CBFA2T3: variants seen among roughly 807,000 people sequenced by gnomAD.
The protein encoded by CBFA2T3 is transcriptional corepressor CBFA2T3.
Under a neutral mutation model 58.6 loss-of-function variants are expected in CBFA2T3, and 31 were observed. The observed-to-expected ratio is 0.53, with a 90% CI of 0.40 to 0.71. The LOEUF (loss-of-function observed/expected upper bound fraction) is 0.71. CBFA2T3 is among the 30% of genes least tolerant of loss of function. The probability of loss-of-function intolerance (pLI) is 0.00; values close to 1 mark genes in which losing one functional copy is unlikely to be tolerated. For missense variants in CBFA2T3, 1,076 were observed against 963.1 expected, an observed-to-expected ratio of 1.12 and a Z score of -1.55; for synonymous variants, 531 against 421.9, an observed-to-expected ratio of 1.26 and a Z score of -3.17.
chr16:88,890,876 G>A (rs1969603241), intron 5 of CBFA2T3, among the ~76,000 whole-genome samples: 2 of 152,158 alleles, frequency 1.3e-5, no homozygotes. Flanking sequence ...ACAACGCTCA[G>A]CTAATTTTTA....
At chr16:88,912,458 G>A (rs775060936) in intron 1 of CBFA2T3, among the ~76,000 whole-genome samples, 2 of 152,158 alleles carry the variant, frequency 1.3e-5, no homozygotes, top group Non-Finnish European at 2.9e-5. Context: ...TACTTCCCTC[G>A]ATCTCTGCAT....
intron 1 of CBFA2T3, among the ~76,000 whole-genome samples, chr16:88,930,401 T>C (rs1443553948): frequency 6.6e-6 from 1 of 152,088 alleles, no homozygotes; most frequent in Non-Finnish European, 1.5e-5. Context: ...AAGCTACCCA[T>C]GCCCACAGCT....
Position 88,885,770 on chromosome 16 carries a change from C to T in CBFA2T3, c.893+191G>A. On this transcript the variant is annotated intron_variant, in intron 6 of 11. Coordinates refer to ENST00000268679, the MANE Select transcript of CBFA2T3 (RefSeq NM_005187.6). The surrounding 1 kb of genome is among the most constrained non-coding windows in gnomAD (Gnocchi z 5.3). ...CCCCGGAGCATCTGAGTCTGCAGCCCACTGGGGTGTCCGCCCGTGCAGCCA... is the reference window on the plus strand; with the variant it reads ...CCCCGGAGCATCTGAGTCTGCAGCCTACTGGGGTGTCCGCCCGTGCAGCCA... 2 of 592,064 alleles carry T rather than the reference C, an allele frequency of 3.4e-6. No homozygotes were observed. Among genetic ancestry groups the T allele is most frequent in the East Asian group, 5.8e-5 (2 of 34,712 alleles). The allele number at this position is 592,064 out of a possible 1,614,324, so 36.7% of individuals were successfully genotyped here.
chr16:88,955,481 C>T (rs76713240), intron 1 of CBFA2T3, among the ~76,000 whole-genome samples: 13 of 23,618 alleles, frequency 5.5e-4, no homozygotes, highest in African/African-American at 1.6e-3. Context: ...CTCCTGACCC[C>T]ACCCAAGGCT....
At chr16:88,891,582 GA>G (rs1361744989) in intron 5 of CBFA2T3, among the ~76,000 whole-genome samples, 2 of 152,218 alleles carry the variant, frequency 1.3e-5, no homozygotes, top group African/African-American at 4.8e-5. Flanking sequence ...ACGGCAACCA[GA>G]GGCGAACCGG....
chr16:88,932,045 CCAT>C (rs1234772455), intron 1 of CBFA2T3, among the ~76,000 whole-genome samples: 4 of 152,170 alleles, frequency 2.6e-5, no homozygotes, highest in African/African-American at 9.7e-5. Flanking sequence ...CGTGTGCACA[CCAT>C]CACACACTCA....
In CBFA2T3 at chr16:88,885,561, C is replaced by T. The variant is rs534811509; in HGVS notation, c.894-292G>A. ...TGCTCTGGGAACGAGGAGAGGGATA[C>T]ACCAGGCTTCCGTAACTGGAGACCA... On this transcript the variant is annotated intron_variant, in intron 6 of 11. Coordinates refer to ENST00000268679, the MANE Select transcript of CBFA2T3 (RefSeq NM_005187.6). The surrounding 1 kb of genome is among the most constrained non-coding windows in gnomAD (Gnocchi z 5.3). 5.6e-4 allele frequency among the ~76,000 whole-genome samples: 86 copies of T among 152,288 alleles called. No homozygotes were observed. Among genetic ancestry groups the T allele is most frequent in the Admixed American group, 1.0e-3 (16 of 15,306 alleles).
At chr16:88,927,763 A>G (rs1217234260) in intron 1 of CBFA2T3, among the ~76,000 whole-genome samples, 1 of 152,116 alleles carries the variant, frequency 6.6e-6, no homozygotes, top group Non-Finnish European at 1.5e-5. Flanking sequence ...CCGTGCGGAC[A>G]CCCGGGAGCC....
In CBFA2T3 at chr16:88,976,765, A is replaced by G. The variant is rs184791482; in HGVS notation, c.43T>C (p.Ser15Pro). The G allele has an allele frequency of 1.2e-5, 19 of 1,557,032 alleles. No homozygotes were observed. In the East Asian group the frequency reaches 4.3e-4, roughly 35 times the overall value. The change falls in exon 1 of 12, where the codon TCG (serine) becomes CCG (proline). Residue 15 changes from serine to proline, a missense_variant. Transcript: ENST00000268679. The stretch of plus-strand genomic sequence containing the variant: ...GACATGGAGCCACAGGTGGATCCCG[A>G]GGCTGAACTGGCTGCCCTGTCCCTC... ...RLRDRAASSA[S>P]GSTCGSMSQT...
chr16:88,895,376 C>CG (rs1255760201), intron 3 of CBFA2T3, among the ~76,000 whole-genome samples: 4 of 152,220 alleles, frequency 2.6e-5, no homozygotes, highest in Non-Finnish European at 5.9e-5. Context: ...GAAGTGCGCC[C>CG]GGGTCAGGAA....
intron 1 of CBFA2T3, among the ~76,000 whole-genome samples, chr16:88,975,006 G>T (rs1421714500): frequency 6.7e-6 from 1 of 149,802 alleles, no homozygotes; most frequent in Non-Finnish European, 1.5e-5. Flanking sequence ...AGAAGCCAGG[G>T]GCAGGACCCC....
At chr16:88,945,148 A>G (rs1254931475) in intron 1 of CBFA2T3, among the ~76,000 whole-genome samples, 1 of 152,270 alleles carries the variant, frequency 6.6e-6, no homozygotes, top group Non-Finnish European at 1.5e-5. Flanking sequence ...CGGGTGGCTA[A>G]TGGATTCTAG....
At chr16:88,894,121 G>A (rs1307058316) in intron 3 of CBFA2T3, among the ~76,000 whole-genome samples, 1 of 152,072 alleles carries the variant, frequency 6.6e-6, no homozygotes, top group East Asian at 1.9e-4. Flanking sequence ...CCATTTCCCT[G>A]CCTCCACTCA....
At chr16:88,902,113 G>A (rs1276487178) in intron 1 of CBFA2T3, among the ~76,000 whole-genome samples, 2 of 152,246 alleles carry the variant, frequency 1.3e-5, no homozygotes, top group African/African-American at 4.8e-5. Flanking sequence ...CATGTTCCCA[G>A]GTGGCGCTGC....
rs570380309 is a variant in CBFA2T3 at position 88,892,064 on chromosome 16, G to A, written c.622-93C>T. Reference sequence around the variant, plus strand: ...GCCTGAGGAGGAGGCTTCCGTGTTGGAGGCAGGCAGGCAGCCCAGGAGCTG... The same window carrying A: ...GCCTGAGGAGGAGGCTTCCGTGTTGAAGGCAGGCAGGCAGCCCAGGAGCTG... On this transcript the variant is annotated intron_variant, in intron 4 of 11. Coordinates refer to ENST00000268679, the MANE Select transcript of CBFA2T3 (RefSeq NM_005187.6). 163 of 1,380,018 alleles carry A rather than the reference G, an allele frequency of 1.2e-4. No homozygotes were observed. In the African/African-American group the frequency reaches 2.0e-3, roughly 17 times the overall value. 85.5% of individuals were successfully genotyped at this position (1,380,018 alleles called of 1,614,324 possible).
At chr16:88,923,844 G>A (rs575357262) in intron 1 of CBFA2T3, among the ~76,000 whole-genome samples, 7 of 152,346 alleles carry the variant, frequency 4.6e-5, no homozygotes, top group South Asian at 4.1e-4. Flanking sequence ...CCCGAGGACC[G>A]TCCTCTCTCA....
At chr16:88,893,034 T>C (rs1330780586) in intron 3 of CBFA2T3, among the ~76,000 whole-genome samples, 1 of 152,168 alleles carries the variant, frequency 6.6e-6, no homozygotes, top group African/African-American at 2.4e-5. Context: ...GGGGGCTTGA[T>C]GGCTCACTTC....
chr16:88,885,625 G>A lies in CBFA2T3; in HGVS notation c.893+336C>T, dbSNP rs995693500. The A allele has an allele frequency of 2.6e-5, 11 of 423,504 alleles. No homozygotes were observed. Among genetic ancestry groups the A allele is most frequent in the African/African-American group, 2.3e-4 (11 of 48,698 alleles). The allele number at this position is 423,504 out of a possible 1,614,324, so 26.2% of individuals were successfully genotyped here. ...CAGCAGCAGCACAAGAGCGTCTGGG[G>A]CAGCAGAGGGGGCCCAGCCCAGGCA... On this transcript the variant is annotated intron_variant, in intron 6 of 11. Transcript: ENST00000268679. This position sits in a 1 kb window ranked among gnomAD's most constrained non-coding sequence, Gnocchi z 5.3.
At chr16:88,961,765 C>G (rs1388433674) in intron 1 of CBFA2T3, among the ~76,000 whole-genome samples, 2 of 105,484 alleles carry the variant, frequency 1.9e-5, no homozygotes, top group African/African-American at 6.9e-5. Context: ...CGACACTCAG[C>G]GCTGGGCATT....
Sources: allele counts gnomAD v4.1 joint callset (sites outside exome capture counted in the v4.1 genomes callset), GRCh38; gene constraint gnomAD v4.1.1; non-coding constraint Gnocchi (gnomAD v3.1); transcripts MANE v1.5; gene names NCBI Gene and HGNC (gene_info 2026-07-23, HGNC 2026-07-21).